The following CELSR1 variants were observed in gnomAD, a reference collection of about 807,000 sequenced individuals.
CELSR1 encodes cadherin EGF LAG seven-pass G-type receptor 1.
A neutral mutation model predicts 249.1 loss-of-function variants in CELSR1; 110 were observed. The ratio of observed to expected loss-of-function variants is 0.44; its 90% CI spans 0.38 to 0.52. The LOEUF is 0.52. Ranked by LOEUF, CELSR1 falls within the 20% of genes least tolerant of loss-of-function variation. The pLI is 0.00. For synonymous variants in CELSR1, 2,113 were observed against 1,900.0 expected (o/e 1.11, Z -2.92); for missense variants, 4,109 against 4,296.4 (o/e 0.96, Z 1.22).
chr22:46,487,909 C>G (rs9616016), intron 1 of CELSR1, among the ~76,000 whole-genome samples: 97,171 of 111,210 alleles, frequency 0.87, 42,626 homozygotes, highest in East Asian at 1. Context: ...TATGGGAGGG[C>G]TGTCCAGCTG....
At position 46,369,716 on chromosome 22, in the gene CELSR1, C is replaced by T. The variant is rs956650080; in HGVS notation, c.7848G>A (p.Ala2616=). The change falls in exon 26 of 35, where the codon GCG becomes GCA. Residue 2616 remains alanine, a synonymous_variant. Coordinates refer to ENST00000674500, the MANE Select transcript of CELSR1 (RefSeq NM_001378328.1). The stretch of plus-strand genomic sequence containing the variant: ...CGATTATAACAGCTCCGATGGGCCC[C>T]GCAAAGCTCCAAATCAGGGTGTCTT... ...SLQDTLIWSF[A]GPIGAVIIIN... is the part of the protein sequence containing the mutation. 25 of 1,613,530 alleles carry T rather than the reference C, an allele frequency of 1.5e-5. No individual in the cohort carries two copies. The highest frequency in any genetic ancestry group is 2.7e-5 in the African/African-American group (2 of 75,034).
chr22:46,415,820 G>A (rs887796540), intron 5 of CELSR1, among the ~76,000 whole-genome samples: 6 of 152,158 alleles, frequency 3.9e-5, no homozygotes, highest in African/African-American at 1.2e-4. Context: ...AGGAGGGGTC[G>A]AGAGGCGCAT....
intron 27 of CELSR1, among the ~76,000 whole-genome samples, 196 bp from the exon 28 acceptor site, chr22:46,368,051 C>A (rs1392433178): frequency 6.6e-6 from 1 of 152,192 alleles, no homozygotes; most frequent in Non-Finnish European, 1.5e-5. Flanking sequence ...GGGAACCAGA[C>A]AGAGCTCGTG....
In CELSR1 at chr22:46,535,953, A is replaced by G. The variant is rs752757896; in HGVS notation, c.1218T>C (p.Ser406=). 1 of 1,609,994 alleles carries G rather than the reference A, an allele frequency of 6.2e-7. No homozygotes were observed. The highest frequency in any genetic ancestry group is 8.5e-7 in the Non-Finnish European group (1 of 1,179,838). ...AWDVFQLNES[S]GVVSTRAVLD... ...GCACCGCCCGTGTGCTCACCACGCC[A>G]GAGCTCTCGTTGAGCTGGAAGACGT... Residue 406 remains serine, a synonymous_variant, in exon 1 of 35, where the codon TCT becomes TCC. Transcript: ENST00000674500.
chr22:46,410,496 A>G lies in CELSR1; in HGVS notation c.4835T>C (p.Val1612Ala), dbSNP rs1305832211. ...GCAGCCCACGAACTGCCGGTTGTGC[A>G]CTGGGAAGTCTTCTGGCAGGTTGGG... is the stretch of plus-strand genomic sequence containing the variant. ...GVPNLPEDFPVHNRQFVGCMR... is the reference protein window; with the variant it reads ...GVPNLPEDFPAHNRQFVGCMR... The change falls in exon 7 of 35, where the codon GTG (valine) becomes GCG (alanine). Residue 1612 changes from valine to alanine, a missense_variant. Around this residue, in one of 7 missense-constraint regions of CELSR1, gnomAD observed 453 missense variants for 492.0 expected, o/e 0.92. Coordinates refer to ENST00000674500, the MANE Select transcript of CELSR1 (RefSeq NM_001378328.1). This position sits in a 1 kb window ranked among gnomAD's most constrained non-coding sequence, Gnocchi z 6.8. The G allele has an allele frequency of 5.0e-6, 8 of 1,614,038 alleles. No homozygotes were observed. Among genetic ancestry groups the G allele is most frequent in the Non-Finnish European group, 6.8e-6 (8 of 1,180,000 alleles).
rs1404992009 is a variant in CELSR1, at chr22:46,411,035, C to A, written c.4770-474G>T. 6.6e-6 allele frequency among the ~76,000 whole-genome samples: 1 copy of A among 151,980 alleles called. No homozygotes were observed. The highest frequency in any genetic ancestry group is 1.9e-4 in the East Asian group (1 of 5,174). ...ATCCTGGCCAACAGGATGGTGTCTA[C>A]TAAAAATACAAAAATTAGCTGGGCG... is the stretch of plus-strand genomic sequence containing the variant. On this transcript the variant is annotated intron_variant, in intron 6 of 34. Coordinates refer to ENST00000674500, the MANE Select transcript of CELSR1 (RefSeq NM_001378328.1). The surrounding 1 kb of genome is among the most constrained non-coding windows in gnomAD (Gnocchi z 4.2).
intron 5 of CELSR1, among the ~76,000 whole-genome samples, chr22:46,432,856 C>G (rs910706392): frequency 6.6e-6 from 1 of 152,102 alleles, no homozygotes; most frequent in Admixed American, 6.5e-5. Flanking sequence ...TCCCTGTGTA[C>G]CCCCCGACCC....
chr22:46,478,611 C>T (rs927101967), intron 1 of CELSR1, among the ~76,000 whole-genome samples: 6 of 151,558 alleles, frequency 4.0e-5, no homozygotes, highest in Non-Finnish European at 7.4e-5. Flanking sequence ...GGTGCGATCT[C>T]GGCTCACTGC....
chr22:46,364,315 G>A (rs1051089757), intron 33 of CELSR1, 64 bp from the exon 34 acceptor site: 216 of 1,574,866 alleles, frequency 1.4e-4, no homozygotes, highest in Admixed American at 5.8e-4. Flanking sequence ...CTGCTGGGCC[G>A]TGTGCAGCTG....
At chr22:46,492,761 A>C (rs2080379680) in intron 1 of CELSR1, among the ~76,000 whole-genome samples, 1 of 151,574 alleles carries the variant, frequency 6.6e-6, no homozygotes, top group South Asian at 2.1e-4. Context: ...GCTCGGCCGA[A>C]ACCCAGGAGG....
At chr22:46,459,778 C>T (rs1465564117) in intron 2 of CELSR1, among the ~76,000 whole-genome samples, 2 of 152,214 alleles carry the variant, frequency 1.3e-5, no homozygotes, top group Non-Finnish European at 2.9e-5. Context: ...GGGCTAGATG[C>T]TTTGATGTCT....
Position 46,464,378 on chromosome 22 carries a change from A to G in CELSR1, c.3545-33T>C. 2 of 1,588,546 alleles carry G rather than the reference A, an allele frequency of 1.3e-6. No individual in the cohort carries two copies. The highest frequency in any genetic ancestry group is 1.7e-6 in the Non-Finnish European group (2 of 1,167,568). ...CACAAGGAAAGTCAGGGTCATTCAG[A>G]TGCTGCGGGAGTCACAGGTCCTATA... On this transcript the variant is annotated intron_variant, in intron 1 of 34. Transcript: ENST00000674500. This position sits in a 1 kb window ranked among gnomAD's most constrained non-coding sequence, Gnocchi z 8.5.
rs1056123514 is a variant in CELSR1 at position 46,429,423 on chromosome 22, C to A, written c.4611+3970G>T. Among the ~76,000 whole-genome samples, 6 of 152,210 alleles carry A rather than the reference C, an allele frequency of 3.9e-5. No individual in the cohort carries two copies. Among genetic ancestry groups the A allele is most frequent in the Admixed American group, 1.3e-4 (2 of 15,284 alleles). On this transcript the variant is annotated intron_variant, in intron 5 of 34. Coordinates refer to ENST00000674500, the MANE Select transcript of CELSR1 (RefSeq NM_001378328.1). This position sits in a 1 kb window ranked among gnomAD's most constrained non-coding sequence, Gnocchi z 4.1. ...CTCCACTCGGCCCCAAACCTCCCGG[C>A]GTGGCTGTGGGCGTGGGGGCTGTGT...
chr22:46,535,122 G>A lies in CELSR1; in HGVS notation c.2049C>T (p.Asn683=), dbSNP rs766069181. ...VSITVLDVND[N]DPVFTQPTYE... The stretch of plus-strand genomic sequence containing the variant: ...AGGTGGGCTGCGTGAACACCGGGTC[G>A]TTGTCATTCACGTCCAGCACCGTGA... The change falls in exon 1 of 35, where the codon AAC becomes AAT. Residue 683 remains asparagine (N), a synonymous_variant. Coordinates refer to ENST00000674500, the MANE Select transcript of CELSR1 (RefSeq NM_001378328.1). 10 of 1,611,248 alleles carry A rather than the reference G, an allele frequency of 6.2e-6. No individual in the cohort carries two copies. The highest frequency in any genetic ancestry group is 4.5e-5 in the East Asian group (2 of 44,874).
intron 3 of CELSR1, 56 bp downstream of exon 3, chr22:46,439,133 A>G (rs1295196599): frequency 3.5e-5 from 52 of 1,497,144 alleles, no homozygotes; most frequent in Non-Finnish European, 3.5e-5. Flanking sequence ...GTGCACGGAG[A>G]AGCTCGCCCC....
rs2079354360 is a variant in CELSR1, at chr22:46,412,863, G to C, written c.4612-1104C>G. Among the ~76,000 whole-genome samples the C allele has an allele frequency of 6.6e-6, 1 of 152,174 alleles. No homozygotes were observed. Among genetic ancestry groups the C allele is most frequent in the South Asian group, 2.1e-4 (1 of 4,830 alleles). On this transcript the variant is annotated intron_variant, in intron 5 of 34. Transcript: ENST00000674500. This position sits in a 1 kb window ranked among gnomAD's most constrained non-coding sequence, Gnocchi z 4.5. Reference sequence around the variant, plus strand: ...TTCATCTGCACAACCTGGATAACAAGACCTACATCCCACAGGTGGCCGTGA... The same window carrying C: ...TTCATCTGCACAACCTGGATAACAACACCTACATCCCACAGGTGGCCGTGA...
At chr22:46,499,668 T>C (rs5768847) in intron 1 of CELSR1, among the ~76,000 whole-genome samples, 110,258 of 152,062 alleles carry the variant, frequency 0.73, 40,402 homozygotes, top group East Asian at 0.98. Context: ...CACCCCCATC[T>C]GTCCCTACCA....
At chr22:46,511,505 G>A (rs1000960029) in intron 1 of CELSR1, among the ~76,000 whole-genome samples, 2 of 152,228 alleles carry the variant, frequency 1.3e-5, no homozygotes, top group Non-Finnish European at 2.9e-5. Context: ...TGACTGTGCT[G>A]AGCTTCTTTG....
Position 46,374,800 on chromosome 22 carries a change from TG to T in CELSR1, c.7585-1744del, listed in dbSNP as rs2078899960. On this transcript the variant is annotated intron_variant, in intron 24 of 34. Transcript: ENST00000674500. This position sits in a 1 kb window ranked among gnomAD's most constrained non-coding sequence, Gnocchi z 4.3. ...AATGCGCGGATGAGAACGTGCCCAT[TG>T]CGGGGATGCGCCCGGCTGCGGATGT... Among the ~76,000 whole-genome samples the T allele has an allele frequency of 6.6e-6, 1 of 152,116 alleles. No individual in the cohort carries two copies. Among genetic ancestry groups the T allele is most frequent in the South Asian group, 2.1e-4 (1 of 4,824 alleles).
Sources: gnomAD v4.1 joint callset for allele counts (sites outside exome capture counted in the v4.1 genomes callset) on GRCh38, gnomAD v4.1.1 for gene constraint, gnomAD v4.1.1 regional missense constraint, Gnocchi (gnomAD v3.1) non-coding constraint, MANE v1.5 for transcripts, NCBI Gene and HGNC (gene_info 2026-07-23, HGNC 2026-07-21) for gene names.